The following CADM2 variants were observed in gnomAD, a reference collection of about 807,000 sequenced individuals.
CADM2 encodes the protein cell adhesion molecule 2.
Under a neutral mutation model 49.8 loss-of-function variants are expected in CADM2, and 12 were observed. The observed-to-expected ratio is 0.24, with a 90% CI of 0.15 to 0.39. The LOEUF is 0.39. Among genes scored for constraint, CADM2 ranks in the 10% least tolerant of loss-of-function variants. The pLI, the probability that CADM2 is intolerant of heterozygous loss-of-function variation, is 1.00. For synonymous variants in CADM2, 214 were observed against 175.4 expected, an observed-to-expected ratio of 1.22 and a Z score of -1.74; for missense variants, 378 against 492.3, an observed-to-expected ratio of 0.77 and a Z score of 2.20.
chr3:85,596,976 C>T (rs149286884), intron 1 of CADM2, among the ~76,000 whole-genome samples: 2,963 of 152,122 alleles, frequency 0.019, 86 homozygotes, highest in African/African-American at 0.066. Context: ...TTTGGCCTCC[C>T]AAAATGCTGG....
At chr3:86,040,488 G>A (rs1735738039) in intron 8 of CADM2, among the ~76,000 whole-genome samples, 1 of 151,982 alleles carries the variant, frequency 6.6e-6, no homozygotes, top group Non-Finnish European at 1.5e-5. Context: ...TATCAGTGAC[G>A]GAAGATCAAA....
intron 1 of CADM2, among the ~76,000 whole-genome samples, chr3:85,478,591 A>G (rs980898674): frequency 1.4e-5 from 2 of 145,288 alleles, no homozygotes; most frequent in Non-Finnish European, 3.1e-5. Flanking sequence ...TCCATTTCCT[A>G]AGGTAAGAAG....
intron 1 of CADM2, among the ~76,000 whole-genome samples, chr3:85,321,087 T>C (rs1232047423): frequency 2.7e-5 from 3 of 110,102 alleles, no homozygotes; most frequent in Non-Finnish European, 5.6e-5. Context: ...ATAATAGATA[T>C]ATACATATAT....
chr3:85,340,755 T>C (rs191137762), intron 1 of CADM2, among the ~76,000 whole-genome samples: 4 of 151,760 alleles, frequency 2.6e-5, no homozygotes, highest in Admixed American at 2.0e-4. Flanking sequence ...TTTACATGTC[T>C]ATTCTTGTTT....
intron 1 of CADM2, among the ~76,000 whole-genome samples, chr3:85,019,823 C>T (rs2034418565): frequency 1.3e-5 from 2 of 152,046 alleles, no homozygotes; most frequent in African/African-American, 4.8e-5. Flanking sequence ...AGGGAAAATA[C>T]TCCAATTACA....
chr3:85,561,225 T>C (rs918235493), intron 1 of CADM2, among the ~76,000 whole-genome samples: 52 of 110,112 alleles, frequency 4.7e-4, no homozygotes, highest in Non-Finnish European at 3.6e-4. Flanking sequence ...TGTCTGTGAC[T>C]ATTTAACAGT....
intron 1 of CADM2, among the ~76,000 whole-genome samples, chr3:85,718,865 G>C (rs1433773762): frequency 6.7e-6 from 1 of 148,202 alleles, no homozygotes; most frequent in Non-Finnish European, 1.5e-5. Context: ...TTATTTTATA[G>C]AGGAAATTAA....
In CADM2 at chr3:85,636,312, G is replaced by A. The variant is rs577723188; in HGVS notation, c.62-90210G>A. Among the ~76,000 whole-genome samples the A allele has an allele frequency of 3.3e-5, 5 of 151,100 alleles. No individual in the cohort carries two copies. In the East Asian group the frequency reaches 9.8e-4, roughly 30 times the overall value. ...AGGCTAATGTGTGTGTTTTTGCCTT[G>A]GTTTATAACAAAAAAGCTTAAAAAA... On this transcript the variant is annotated intron_variant, in intron 1 of 9. Coordinates refer to ENST00000383699, the MANE Select transcript of CADM2 (RefSeq NM_001167675.2).
intron 2 of CADM2, among the ~76,000 whole-genome samples, chr3:85,786,188 GAA>G (rs1297529868): frequency 1.3e-5 from 2 of 151,708 alleles, no homozygotes; most frequent in Admixed American, 6.6e-5. Flanking sequence ...AATTTTTATT[GAA>G]GTTTAATAAT....
chr3:86,041,824 T>A (rs1735982130), intron 8 of CADM2, among the ~76,000 whole-genome samples: 1 of 152,186 alleles, frequency 6.6e-6, no homozygotes, highest in Non-Finnish European at 1.5e-5. Context: ...GACAACATAG[T>A]TGGAAGTAAA....
At chr3:85,550,660 C>A (rs2061779763) in intron 1 of CADM2, among the ~76,000 whole-genome samples, 1 of 152,164 alleles carries the variant, frequency 6.6e-6, no homozygotes, top group African/African-American at 2.4e-5. Context: ...CTAAGAGCAA[C>A]TAATTGTGTT....
At chr3:84,976,064 C>T (rs993293018) in intron 1 of CADM2, among the ~76,000 whole-genome samples, 38 of 151,622 alleles carry the variant, frequency 2.5e-4, no homozygotes, top group African/African-American at 8.7e-4. Context: ...ATGAAGAAAC[C>T]TAATGGTAAA....
intron 1 of CADM2, among the ~76,000 whole-genome samples, chr3:85,594,520 A>G (rs1230611375): frequency 6.6e-6 from 1 of 151,950 alleles, no homozygotes; most frequent in Non-Finnish European, 1.5e-5. Flanking sequence ...AATGAAAAAT[A>G]TTTTAGAGAG....
chr3:85,322,777 G>A (rs1008534100), intron 1 of CADM2, among the ~76,000 whole-genome samples: 2 of 152,142 alleles, frequency 1.3e-5, no homozygotes, highest in Admixed American at 1.3e-4. Context: ...CCATTCTACT[G>A]AGGTGGGTAT....
At chr3:85,515,686 G>A (rs62250757) in intron 1 of CADM2, among the ~76,000 whole-genome samples, 2 of 146,996 alleles carry the variant, frequency 1.4e-5, no homozygotes, top group Non-Finnish European at 3.0e-5. Context: ...TGGCCAGGCT[G>A]GTCTCAGACC....
chr3:85,025,250 A>G (rs1192590854), intron 1 of CADM2, among the ~76,000 whole-genome samples: 1 of 152,148 alleles, frequency 6.6e-6, no homozygotes, highest in Non-Finnish European at 1.5e-5. Context: ...TATTATTTGT[A>G]ATCTAAGTGC....
At chr3:85,070,155 A>T (rs1386669121) in intron 1 of CADM2, among the ~76,000 whole-genome samples, 1 of 152,112 alleles carries the variant, frequency 6.6e-6, no homozygotes. Context: ...TTCATTATAC[A>T]TCCTATCTGA....
intron 1 of CADM2, among the ~76,000 whole-genome samples, chr3:85,545,669 A>G (rs911665866): frequency 6.6e-6 from 1 of 152,168 alleles, no homozygotes; most frequent in Non-Finnish European, 1.5e-5. Context: ...TGATGCATCC[A>G]ATATGGACCG....
intron 2 of CADM2, among the ~76,000 whole-genome samples, chr3:85,792,795 A>G (rs2071414974): frequency 6.6e-6 from 1 of 152,224 alleles, no homozygotes; most frequent in African/African-American, 2.4e-5. Flanking sequence ...TAAAACATGC[A>G]TCATCCTAGT....
Sources: allele counts gnomAD v4.1 joint callset (sites outside exome capture counted in the v4.1 genomes callset), GRCh38; gene constraint gnomAD v4.1.1; transcripts MANE v1.5; gene names NCBI Gene and HGNC (gene_info 2026-07-23, HGNC 2026-07-21).